Variants in SDK1 observed in about 807,000 individuals in gnomAD.
SDK1 encodes the protein sidekick cell adhesion molecule 1.
In SDK1, 157 loss-of-function variants were observed where a neutral mutation model predicts 245.5. That is an observed-to-expected ratio of 0.64 (90% CI 0.56 to 0.73). The LOEUF is 0.73. Among genes scored for constraint, SDK1 ranks in the 30% least tolerant of loss-of-function variants. SDK1 has a pLI of 0.00. For missense variants in SDK1, 3,583 were observed against 3,002.3 expected, an observed-to-expected ratio of 1.19 and a Z score of -4.52; for synonymous variants, 1,647 against 1,278.5, an observed-to-expected ratio of 1.29 and a Z score of -6.15.
chr7:4,073,119 T>C (rs1780365844), intron 20 of SDK1, among the ~76,000 whole-genome samples: 1 of 152,178 alleles, frequency 6.6e-6, no homozygotes, highest in African/African-American at 2.4e-5. Context: ...TGGGAGCAGG[T>C]AGGATGCCAA....
At chr7:3,621,731 G>A (rs1386478300) in intron 2 of SDK1, among the ~76,000 whole-genome samples, 1 of 152,112 alleles carries the variant, frequency 6.6e-6, no homozygotes, top group African/African-American at 2.4e-5. Flanking sequence ...GTCTTCCTGT[G>A]GAACTCTCTC....
intron 1 of SDK1, among the ~76,000 whole-genome samples, chr7:3,510,898 A>C (rs1049913763): frequency 6.6e-6 from 1 of 152,196 alleles, no homozygotes; most frequent in South Asian, 2.1e-4. Flanking sequence ...GCCATTTCAA[A>C]ATATGTCAAA....
intron 16 of SDK1, among the ~76,000 whole-genome samples, chr7:4,014,256 C>T (rs1786216510): frequency 6.6e-6 from 1 of 152,176 alleles, no homozygotes; most frequent in South Asian, 2.1e-4. Context: ...GTTACGAGGC[C>T]ACTTCGGGGA....
intron 4 of SDK1, among the ~76,000 whole-genome samples, chr7:3,703,976 T>C (rs1228882337): frequency 6.6e-6 from 1 of 152,196 alleles, no homozygotes; most frequent in Non-Finnish European, 1.5e-5. Flanking sequence ...TGTATGGTGG[T>C]GAAGTCTGAG....
intron 1 of SDK1, among the ~76,000 whole-genome samples, chr7:3,547,331 A>G (rs556917391): frequency 9.2e-5 from 14 of 152,334 alleles, no homozygotes; most frequent in African/African-American, 3.1e-4. Flanking sequence ...AAAGCAAGTT[A>G]TGTGGTAAAT....
intron 4 of SDK1, among the ~76,000 whole-genome samples, chr7:3,776,411 T>C (rs566502824): frequency 2.0e-5 from 3 of 152,246 alleles, no homozygotes; most frequent in Non-Finnish European, 4.4e-5. Flanking sequence ...AGGCTTCTGT[T>C]ACTATCACCT....
chr7:3,472,959 C>T lies in SDK1; in HGVS notation c.299-146121C>T, dbSNP rs574882198. ...AAAATGAAAGGCATTGCACACAGAC[C>T]AGTGGTCTGCTATTTGACCCTTTCC... On this transcript the variant is annotated intron_variant, in intron 1 of 44. Transcript: ENST00000404826. Among the ~76,000 whole-genome samples the T allele has an allele frequency of 6.6e-5, 10 of 152,282 alleles. No homozygotes were observed. The South Asian group carries it at 2.1e-3, about 32-fold the overall frequency.
chr7:3,373,638 T>G (rs1455106719), intron 1 of SDK1, among the ~76,000 whole-genome samples: 3 of 149,828 alleles, frequency 2.0e-5, no homozygotes, highest in Non-Finnish European at 4.5e-5. Flanking sequence ...GTTCTGTTCT[T>G]TTTTTTTTTG....
intron 14 of SDK1, among the ~76,000 whole-genome samples, chr7:3,992,129 C>G (rs897472298): frequency 6.6e-6 from 1 of 152,230 alleles, no homozygotes; most frequent in Non-Finnish European, 1.5e-5. Context: ...AGCCGGGGAT[C>G]CTGCAGGGGC....
chr7:4,065,944 C>T (rs1484796193), intron 19 of SDK1, among the ~76,000 whole-genome samples: 1 of 151,876 alleles, frequency 6.6e-6, no homozygotes. Flanking sequence ...TTCATGCTCT[C>T]CTATTTTAAG....
chr7:3,914,122 A>G (rs897524664), intron 5 of SDK1, among the ~76,000 whole-genome samples: 3 of 152,212 alleles, frequency 2.0e-5, no homozygotes, highest in African/African-American at 4.8e-5. Flanking sequence ...GTGCAAACCC[A>G]TTTGCAGCTT....
chr7:3,427,480 T>C (rs1028157731), intron 1 of SDK1, among the ~76,000 whole-genome samples: 6 of 149,380 alleles, frequency 4.0e-5, no homozygotes, highest in Non-Finnish European at 7.4e-5. Flanking sequence ...GATTGTGCCA[T>C]TGGACTGCAG....
At chr7:3,451,811 C>A (rs1180049487) in intron 1 of SDK1, among the ~76,000 whole-genome samples, 2 of 152,272 alleles carry the variant, frequency 1.3e-5, no homozygotes, top group East Asian at 3.9e-4. Flanking sequence ...CATTTAAAAA[C>A]CAACTGTACT....
rs1367320727 is a variant in SDK1 at position 3,840,891 on chromosome 7, T to C, written c.847+19308T>C. On this transcript the variant is annotated intron_variant, in intron 5 of 44. Coordinates refer to ENST00000404826, the MANE Select transcript of SDK1 (RefSeq NM_152744.4). ...CAGGAATCTGTGTTTTATCAAGCTC[T>C]CCCTCACTAAAATTTGAGAAGGACC... Among the ~76,000 whole-genome samples the C allele has an allele frequency of 2.0e-5, 3 of 152,160 alleles. No individual in the cohort carries two copies. The South Asian group carries it at 6.2e-4, about 32-fold the overall frequency.
rs1788480509 is a variant in SDK1 at position 4,266,510 on chromosome 7, C to T, written c.*1126C>T. 1 of 985,446 alleles carries T rather than the reference C, an allele frequency of 1.0e-6. No homozygotes were observed. The highest frequency in any genetic ancestry group is 1.2e-6 in the Non-Finnish European group (1 of 829,934). The allele number at this position is 985,446 out of a possible 1,614,324, so 61.0% of individuals were successfully genotyped here. On this transcript the variant is annotated 3_prime_UTR_variant, in exon 45 of 45. Coordinates refer to ENST00000404826, the MANE Select transcript of SDK1 (RefSeq NM_152744.4). ...CACCGCTTCTCCACCACTGGCGCTG[C>T]TGCTGCCCCCTCTCCCAGTCCGAGG... is the stretch of plus-strand genomic sequence containing the variant.
intron 1 of SDK1, among the ~76,000 whole-genome samples, chr7:3,607,724 A>G (rs1026492195): frequency 2.2e-4 from 33 of 152,248 alleles, no homozygotes; most frequent in African/African-American, 7.5e-4. Flanking sequence ...CCAAAAGTAA[A>G]TGTGTTGTGG....
At chr7:4,099,347 T>C (rs1471163928) in intron 22 of SDK1, among the ~76,000 whole-genome samples, 2 of 148,976 alleles carry the variant, frequency 1.3e-5, no homozygotes, top group Non-Finnish European at 3.0e-5. Context: ...CACAGGGCCA[T>C]GTGCAGAAGC....
Position 4,245,586 on chromosome 7 carries a change from C to T in SDK1, c.6252-90C>T, listed in dbSNP as rs555087995. The T allele has an allele frequency of 7.0e-5, 103 of 1,474,126 alleles. No individual in the cohort carries two copies. The Admixed American group carries it at 8.1e-4, about 12-fold the overall frequency. The allele number at this position is 1,474,126 out of a possible 1,614,324, so 91.3% of individuals were successfully genotyped here. On this transcript the variant is annotated intron_variant, in intron 43 of 44. Transcript: ENST00000404826. ...GGCTGTGGGTTTCCTCTTAGTCCAA[C>T]GCAATAAAGGCCAAATGCCAGGTTA...
At chr7:3,758,089 G>A (rs980175065) in intron 4 of SDK1, among the ~76,000 whole-genome samples, 1 of 152,148 alleles carries the variant, frequency 6.6e-6, no homozygotes, top group Non-Finnish European at 1.5e-5. Context: ...CCACAGTCAA[G>A]CAGAGGGCAG....
Sources: allele counts gnomAD v4.1 joint callset (sites outside exome capture counted in the v4.1 genomes callset), GRCh38; gene constraint gnomAD v4.1.1; transcripts MANE v1.5; gene names NCBI Gene and HGNC (gene_info 2026-07-23, HGNC 2026-07-21).